NSUN2: variants seen among roughly 807,000 people sequenced by gnomAD.
NSUN2 encodes the protein RNA cytosine C(5)-methyltransferase NSUN2.
Under a neutral mutation model 92.7 loss-of-function variants are expected in NSUN2, and 63 were observed. The observed-to-expected ratio is 0.68, with a 90% CI of 0.56 to 0.84. NSUN2 has a LOEUF of 0.84. NSUN2 is among the 40% of genes least tolerant of loss of function. The pLI, the probability that NSUN2 is intolerant of heterozygous loss-of-function variation, is 0.00. For missense variants in NSUN2, 989 were observed against 964.9 expected (o/e 1.02, Z -0.33); for synonymous variants, 356 against 348.3 (o/e 1.02, Z -0.25).
At chr5:6,614,005 G>A (rs952980976) in intron 9 of NSUN2, among the ~76,000 whole-genome samples, 13 of 149,734 alleles carry the variant, frequency 8.7e-5, no homozygotes, top group Admixed American at 2.0e-4. Flanking sequence ...GCTGAGGCAG[G>A]AGAATCACTT....
At chr5:6,629,261 C>T (rs531360984) in intron 3 of NSUN2, among the ~76,000 whole-genome samples, 2 of 152,260 alleles carry the variant, frequency 1.3e-5, no homozygotes, top group South Asian at 4.1e-4. Flanking sequence ...TGTCATATAC[C>T]CAGACACATT....
intron 18 of NSUN2, 25 bp from the exon 19 acceptor site, chr5:6,600,257 A>G (rs755192200): frequency 1.3e-6 from 2 of 1,597,788 alleles, no homozygotes; most frequent in Admixed American, 1.7e-5. Context: ...GGCTTCATGT[A>G]GAACATTAAA....
At chr5:6,611,937 C>A (rs1440823371) in intron 9 of NSUN2, 139 bp from the exon 10 acceptor site, 5 of 727,386 alleles carry the variant, frequency 6.9e-6, no homozygotes, top group Non-Finnish European at 1.1e-5. Flanking sequence ...AACCCGTCGA[C>A]AGAAAGTGGA....
intron 9 of NSUN2, among the ~76,000 whole-genome samples, chr5:6,614,561 G>C (rs1168548993): frequency 6.6e-6 from 1 of 152,174 alleles, no homozygotes; most frequent in Admixed American, 6.6e-5. Flanking sequence ...CTGCTGGAAA[G>C]AGAGACCCAT....
At chr5:6,621,799 C>A in intron 6 of NSUN2, 1 of 449,430 alleles carries the variant, frequency 2.2e-6, no homozygotes, top group Non-Finnish European at 4.0e-6. Flanking sequence ...ACACATAATT[C>A]TAAAATAAAG....
At chr5:6,604,107 G>C in intron 17 of NSUN2, 31 bp downstream of exon 17, 1 of 1,600,524 alleles carries the variant, frequency 6.2e-7, no homozygotes, top group East Asian at 2.2e-5. Flanking sequence ...GGGAATACAA[G>C]TTATGTCTCT....
intron 7 of NSUN2, 122 bp downstream of exon 7, chr5:6,619,980 GCTAT>G (rs1367546717): frequency 5.4e-6 from 4 of 736,166 alleles, no homozygotes; most frequent in Non-Finnish European, 8.4e-6. Context: ...TTAGGCTCAC[GCTAT>G]CTTTCTCCGC....
At position 6,628,311 on chromosome 5, in the gene NSUN2, G is replaced by A. The variant is rs1300570284; in HGVS notation, c.360-2642C>T. 2.6e-5 allele frequency among the ~76,000 whole-genome samples: 4 copies of A among 152,032 alleles called. No individual in the cohort carries two copies. The East Asian group carries it at 7.7e-4, about 29-fold the overall frequency. On this transcript the variant is annotated intron_variant, in intron 3 of 18. Transcript: ENST00000264670. ...TGCAGTGAGCTGAGATCATGCCACTGCACTCCAACCTGGGCAACAGAGACC... is the reference window on the plus strand; with the variant it reads ...TGCAGTGAGCTGAGATCATGCCACTACACTCCAACCTGGGCAACAGAGACC...
chr5:6,612,700 T>G (rs1451099035), intron 9 of NSUN2, among the ~76,000 whole-genome samples: 2 of 152,266 alleles, frequency 1.3e-5, no homozygotes, highest in African/African-American at 4.8e-5. Context: ...CGTACTGACT[T>G]CTGCCATCAT....
chr5:6,620,056 G>T, intron 7 of NSUN2, 50 bp downstream of exon 7: 3 of 1,409,900 alleles, frequency 2.1e-6, no homozygotes, highest in South Asian at 2.8e-5. Context: ...GTCTCTATTT[G>T]ACTTGATTTC....
intron 5 of NSUN2, 80 bp from the exon 6 acceptor site, chr5:6,622,180 TC>T: frequency 8.9e-7 from 1 of 1,125,118 alleles, no homozygotes; most frequent in Non-Finnish European, 1.3e-6. Context: ...TTCTAGTTTT[TC>T]AATTTCTAGT....
At chr5:6,631,766 G>A in intron 3 of NSUN2, 107 bp downstream of exon 3, 3 of 806,942 alleles carry the variant, frequency 3.7e-6, no homozygotes, top group Non-Finnish European at 6.1e-6. Context: ...TGTTTGCAAA[G>A]TATACCCAAG....
intron 5 of NSUN2, 41 bp from the exon 6 acceptor site, chr5:6,622,141 C>T (rs775203859): frequency 2.0e-6 from 3 of 1,467,574 alleles, no homozygotes; most frequent in Non-Finnish European, 2.8e-6. Flanking sequence ...TTTTAAAAAA[C>T]CAAATATTCT....
chr5:6,623,230 A>T lies in NSUN2; in HGVS notation c.521T>A (p.Val174Glu), dbSNP rs1737528368. ...ATATGCTACCTTATGATGAGGCCGC[A>T]CGTTGAGGAGCAGTGGTGGGATCAT... is the stretch of plus-strand genomic sequence containing the variant. The part of the protein sequence containing the change: ...VSMIPPLLLN[V>E]RPHHKILDMC... Residue 174 changes from valine (V) to glutamate (E), a missense_variant, in exon 5 of 19, where the codon GTG (valine) becomes GAG (glutamate). This residue lies in a region of NSUN2 where 356 missense variants were observed against 338.6 expected (regional missense o/e 1.05). Transcript: ENST00000264670. 6.2e-7 allele frequency: 1 copy of T among 1,606,982 alleles called. No homozygotes were observed. The highest frequency in any genetic ancestry group is 1.3e-5 in the African/African-American group (1 of 74,092).
chr5:6,625,006 T>G (rs1233953150), intron 4 of NSUN2, among the ~76,000 whole-genome samples: 1 of 151,788 alleles, frequency 6.6e-6, no homozygotes, highest in African/African-American at 2.4e-5. Flanking sequence ...CTACGGAGAA[T>G]GTGAAGACAG....
Position 6,632,988 on chromosome 5 carries a change from C to T in NSUN2, c.-9G>A. On this transcript the variant is annotated 5_prime_UTR_variant, in exon 1 of 19. Transcript: ENST00000264670. ...CGCGACCGCCGCCCCATAGCCCACG[C>T]GGCCGCGCACGCAGCACGCAGAAAC... 1 of 1,446,412 alleles carries T rather than the reference C, an allele frequency of 6.9e-7. No homozygotes were observed. The highest frequency in any genetic ancestry group is 9.0e-7 in the Non-Finnish European group (1 of 1,110,780). 89.6% of individuals were successfully genotyped at this position (1,446,412 alleles called of 1,614,324 possible).
chr5:6,622,616 GGCAGGCGGAT>G (rs776827979), intron 5 of NSUN2, among the ~76,000 whole-genome samples: 16 of 152,186 alleles, frequency 1.1e-4, no homozygotes, highest in Non-Finnish European at 1.8e-4. Flanking sequence ...GGAAGGCCAA[GGCAGGCGGAT>G]CGCCTGAGGT....
chr5:6,613,273 A>G (rs1239972379), intron 9 of NSUN2, among the ~76,000 whole-genome samples: 1 of 152,250 alleles, frequency 6.6e-6, no homozygotes, highest in African/African-American at 2.4e-5. Flanking sequence ...ACACAACACA[A>G]TCAAAACTAT....
In NSUN2 at chr5:6,622,104, T is replaced by C. The variant is rs774468952; in HGVS notation, c.538-4A>G. 3.1e-6 allele frequency: 5 copies of C among 1,607,814 alleles called. No homozygotes were observed. The highest frequency in any genetic ancestry group is 2.2e-5 in the East Asian group (1 of 44,868). ...GTGCTGCACACATATCTAAGATCTATTAACAAAGCAAGAAACTGTTTCATG... is the reference window on the plus strand; with the variant it reads ...GTGCTGCACACATATCTAAGATCTACTAACAAAGCAAGAAACTGTTTCATG... On this transcript the variant is annotated splice_region_variant and splice_polypyrimidine_tract_variant and intron_variant, in intron 5 of 18. Coordinates refer to ENST00000264670, the MANE Select transcript of NSUN2 (RefSeq NM_017755.6).
Sources: gnomAD v4.1 joint callset for allele counts (sites outside exome capture counted in the v4.1 genomes callset) on GRCh38, gnomAD v4.1.1 for gene constraint, gnomAD v4.1.1 regional missense constraint, MANE v1.5 for transcripts, NCBI Gene and HGNC (gene_info 2026-07-23, HGNC 2026-07-21) for gene names.